Variants in ST7 observed in about 807,000 individuals in gnomAD.
ST7 encodes suppressor of tumorigenicity 7 protein.
ST7 carries 28 observed loss-of-function variants against 78.7 expected under a neutral mutation model. That is an observed-to-expected ratio of 0.36 (90% CI 0.26 to 0.49). The LOEUF is 0.49. Ranked by LOEUF, ST7 falls within the 20% of genes least tolerant of loss-of-function variation. The pLI is 0.99. For synonymous variants in ST7, 247 were observed against 249.6 expected, an observed-to-expected ratio of 0.99 and a Z score of 0.10; for missense variants, 418 against 696.0, an observed-to-expected ratio of 0.60 and a Z score of 4.49.
chr7:117,070,838 C>T (rs1798904640), intron 1 of ST7, among the ~76,000 whole-genome samples: 1 of 152,018 alleles, frequency 6.6e-6, no homozygotes, highest in Non-Finnish European at 1.5e-5. Context: ...CCACCGCGCC[C>T]GGCCAATGTG....
intron 1 of ST7, among the ~76,000 whole-genome samples, chr7:117,002,118 C>T (rs1417599993): frequency 6.6e-6 from 1 of 151,996 alleles, no homozygotes; most frequent in African/African-American, 2.4e-5. Context: ...GTCCCAGCTA[C>T]TCGGGAGGCT....
intron 1 of ST7, chr7:116,956,398 C>A: frequency 2.2e-6 from 1 of 454,790 alleles, no homozygotes; most frequent in South Asian, 1.6e-5. Flanking sequence ...AGAGTTCTAA[C>A]GGGACTAACT....
intron 12 of ST7, 25 bp from the exon 13 acceptor site, chr7:117,209,762 A>G (rs755446343): frequency 6.2e-7 from 1 of 1,608,548 alleles, no homozygotes; most frequent in Non-Finnish European, 8.5e-7. Context: ...TATTAACACA[A>G]GTGTGTCCTG....
At chr7:117,118,715 G>A (rs1014409762) in intron 2 of ST7, among the ~76,000 whole-genome samples, 19 of 152,140 alleles carry the variant, frequency 1.2e-4, no homozygotes, top group African/African-American at 3.9e-4. Context: ...GGGGAGAACC[G>A]CTTTGAGCAG....
chr7:117,117,422 A>T (rs1164717064), intron 2 of ST7, among the ~76,000 whole-genome samples: 1 of 152,186 alleles, frequency 6.6e-6, no homozygotes, highest in Non-Finnish European at 1.5e-5. Flanking sequence ...GAATCAATGA[A>T]CTAAGGACTG....
chr7:117,175,774 A>G (rs904913104), intron 10 of ST7, among the ~76,000 whole-genome samples: 4 of 152,220 alleles, frequency 2.6e-5, no homozygotes, highest in African/African-American at 7.2e-5. Context: ...ACACACAGTA[A>G]GAGTTCAGAT....
At chr7:116,989,395 A>G (rs1794327068) in intron 1 of ST7, among the ~76,000 whole-genome samples, 1 of 152,156 alleles carries the variant, frequency 6.6e-6, no homozygotes, top group Non-Finnish European at 1.5e-5. Flanking sequence ...GTCAATCTTC[A>G]TTGAGGTATC....
At chr7:117,118,095 G>T (rs1243097125) in intron 2 of ST7, 1 of 152,894 alleles carries the variant, frequency 6.5e-6, no homozygotes, top group Non-Finnish European at 1.5e-5. Context: ...GATAATTCAC[G>T]ATAGGTTGAG....
At chr7:117,033,743 G>C (rs747544130) in intron 1 of ST7, among the ~76,000 whole-genome samples, 1 of 152,002 alleles carries the variant, frequency 6.6e-6, no homozygotes, top group Non-Finnish European at 1.5e-5. Flanking sequence ...ATTTTTTAAT[G>C]TTCTGTTGTA....
At position 117,190,784 on chromosome 7, in the gene ST7, TGCCCAA is replaced by T; in HGVS notation, c.1152-47_1152-42del. Reference sequence around the variant, plus strand: ...AGATGTGTAGATGCTTCCGGGTTGATGCCCAAGCAGTGGTCCCACCTGGATGGTTTT... The same window carrying T: ...AGATGTGTAGATGCTTCCGGGTTGATGCAGTGGTCCCACCTGGATGGTTTT... On this transcript the variant is annotated intron_variant, in intron 11 of 15. Coordinates refer to ENST00000323984, the MANE Select transcript of ST7 (RefSeq NM_001369598.1). The surrounding 1 kb of genome is among the most constrained non-coding windows in gnomAD (Gnocchi z 5.2). 1 of 1,496,436 alleles carries T rather than the reference TGCCCAA, an allele frequency of 6.7e-7. No individual in the cohort carries two copies. The highest frequency in any genetic ancestry group is 1.1e-5 in the South Asian group (1 of 88,252). 92.7% of individuals were successfully genotyped at this position (1,496,436 alleles called of 1,614,324 possible).
chr7:117,025,221 A>G (rs1265298747), intron 1 of ST7, among the ~76,000 whole-genome samples: 5 of 152,158 alleles, frequency 3.3e-5, no homozygotes, highest in Non-Finnish European at 7.3e-5. Context: ...ATTTCTGTGA[A>G]TTGGCTGAGA....
chr7:117,074,289 G>A (rs189458894), intron 1 of ST7, among the ~76,000 whole-genome samples: 156 of 152,298 alleles, frequency 1.0e-3, no homozygotes, highest in South Asian at 5.0e-3. Context: ...TACTTTGGAG[G>A]TTGAGGCAGG....
intron 2 of ST7, 100 bp from the exon 3 acceptor site, chr7:117,119,461 C>T: frequency 8.9e-7 from 1 of 1,129,422 alleles, no homozygotes; most frequent in Non-Finnish European, 1.2e-6. Flanking sequence ...ATAAAATATA[C>T]TTAAGGTGGA....
intron 1 of ST7, among the ~76,000 whole-genome samples, chr7:117,045,256 ACCCT>A (rs1248465348): frequency 6.6e-6 from 1 of 151,616 alleles, no homozygotes; most frequent in Non-Finnish European, 1.5e-5. Context: ...TTCTGCTTAA[ACCCT>A]CCAGTAGTTT....
At chr7:117,160,863 G>A (rs1339854555) in intron 9 of ST7, among the ~76,000 whole-genome samples, 2 of 151,930 alleles carry the variant, frequency 1.3e-5, no homozygotes, top group East Asian at 3.9e-4. Context: ...GTAACTCTGA[G>A]GCATTCTTCA....
chr7:116,969,424 T>G (rs534582168), intron 1 of ST7, among the ~76,000 whole-genome samples: 1 of 152,300 alleles, frequency 6.6e-6, no homozygotes, highest in South Asian at 2.1e-4. Flanking sequence ...GATTTTGAGT[T>G]TTTGGGAGGA....
At chr7:117,151,862 A>G (rs1194058845) in intron 9 of ST7, among the ~76,000 whole-genome samples, 1 of 152,010 alleles carries the variant, frequency 6.6e-6, no homozygotes, top group Non-Finnish European at 1.5e-5. Flanking sequence ...GCTCACGCCT[A>G]TAATCTCAGC....
chr7:117,151,378 G>T (rs558617367), intron 9 of ST7, among the ~76,000 whole-genome samples: 10 of 152,096 alleles, frequency 6.6e-5, no homozygotes, highest in Non-Finnish European at 1.0e-4. Context: ...AAGCTTGCTT[G>T]ATCCTTTCTT....
intron 14 of ST7, among the ~76,000 whole-genome samples, chr7:117,221,215 T>C (rs1793065140): frequency 6.6e-6 from 1 of 152,214 alleles, no homozygotes; most frequent in Non-Finnish European, 1.5e-5. Flanking sequence ...ATAAAAATTA[T>C]AGAGGGCACT....
Sources: allele counts gnomAD v4.1 joint callset (sites outside exome capture counted in the v4.1 genomes callset), GRCh38; gene constraint gnomAD v4.1.1; non-coding constraint Gnocchi (gnomAD v3.1); transcripts MANE v1.5; gene names NCBI Gene and HGNC (gene_info 2026-07-23, HGNC 2026-07-21).